The following NDUFV1 variants were observed in gnomAD, a reference collection of about 807,000 sequenced individuals.
NDUFV1 encodes the protein NADH:ubiquinone oxidoreductase core subunit V1, also known as NADH dehydrogenase [ubiquinone] flavoprotein 1, mitochondrial.
Under a neutral mutation model 48.7 loss-of-function variants are expected in NDUFV1, and 41 were observed. The ratio of observed to expected loss-of-function variants is 0.84; its 90% confidence interval spans 0.66 to 1.09. The LOEUF (loss-of-function observed/expected upper bound fraction) is 1.09, where lower values mean the gene tolerates loss of function less well. Among genes scored for constraint, NDUFV1 ranks in the 50% least tolerant of loss-of-function variants. The pLI, the probability that NDUFV1 is intolerant of heterozygous loss-of-function variation, is 0.00. For missense variants in NDUFV1, 580 were observed against 645.4 expected, an observed-to-expected ratio of 0.90 and a Z score of 1.10; for synonymous variants, 231 against 259.1, an observed-to-expected ratio of 0.89 and a Z score of 1.04.
chr11:67,609,649 G>C lies in NDUFV1; in HGVS notation c.510+14G>C. On this transcript the variant is annotated intron_variant, in intron 4 of 9. Transcript: ENST00000322776. ...TCCAATCTGCAGGTGGGTAGGGAGA[G>C]ATGTAGACAGATGAGAAGGTGTTCA... 2 of 1,600,542 alleles carry C rather than the reference G, an allele frequency of 1.2e-6. No individual in the cohort carries two copies. The highest frequency in any genetic ancestry group is 1.7e-6 in the Non-Finnish European group (2 of 1,179,750).
intron 4 of NDUFV1, 169 bp from the exon 5 acceptor site, chr11:67,610,212 G>A (rs962235385): frequency 2.9e-6 from 2 of 684,904 alleles, no homozygotes; most frequent in Non-Finnish European, 5.1e-6. Context: ...ATCTGTTCCA[G>A]ATCATAGTCA....
chr11:67,612,343 G>A lies in NDUFV1; in HGVS notation c.1309-29G>A, dbSNP rs1854937071. 1 of 1,613,826 alleles carries A rather than the reference G, an allele frequency of 6.2e-7. No homozygotes were observed. Among genetic ancestry groups the A allele is most frequent in the East Asian group, 2.2e-5 (1 of 44,838 alleles). ...GGGTGTTGGGGGATTTTTGGACTCT[G>A]TTTCACATGGTCCCCCCACCGACCC... On this transcript the variant is annotated intron_variant, in intron 9 of 9. Transcript: ENST00000322776. The surrounding 1 kb of genome is among the most constrained non-coding windows in gnomAD (Gnocchi z 4.4).
At chr11:67,610,644 G>A in intron 5 of NDUFV1, 74 bp downstream of exon 5, 1 of 1,565,518 alleles carries the variant, frequency 6.4e-7, no homozygotes, top group Non-Finnish European at 8.7e-7. Flanking sequence ...CCTTTGGATT[G>A]TTCTTAGGGA....
At position 67,612,251 on chromosome 11, in the gene NDUFV1, G is replaced by T. The variant is rs1012707296; in HGVS notation, c.1294G>T (p.Ala432Ser). The change falls in exon 9 of 10, where the codon GCC becomes TCC. Residue 432 changes from alanine (A) to serine (S), a missense_variant. By Grantham distance (99) the Ala-to-Ser change is moderately conservative (BLOSUM62 1). Transcript: ENST00000322776. This position sits in a 1 kb window ranked among gnomAD's most constrained non-coding sequence, Gnocchi z 4.4. ...GATTTGTGCTCTGGGTGACGGGGCC[G>T]CCTGGCCTGTGCAGGTATTCACCAC... The part of the protein sequence containing the change: ...HTICALGDGA[A>S]WPVQGLIRHF... 3 of 1,613,892 alleles carry T rather than the reference G, an allele frequency of 1.9e-6. No homozygotes were observed. The highest frequency in any genetic ancestry group is 1.3e-5 in the African/African-American group (1 of 75,002).
Position 67,611,789 on chromosome 11 carries a change from G to A in NDUFV1, c.1081-108G>A. On this transcript the variant is annotated intron_variant, in intron 7 of 9. Coordinates refer to ENST00000322776, the MANE Select transcript of NDUFV1 (RefSeq NM_007103.4). This position sits in a 1 kb window ranked among gnomAD's most constrained non-coding sequence, Gnocchi z 4.2. ...AGGCTGGAGGAGGCCAGAACGCTGG[G>A]TGGGCTGGGAAGAGCTTCTGGAACT... 6.7e-7 allele frequency: 1 copy of A among 1,489,282 alleles called. No homozygotes were observed. Among genetic ancestry groups the A allele is most frequent in the Non-Finnish European group, 9.3e-7 (1 of 1,078,288 alleles). The allele number at this position is 1,489,282 out of a possible 1,614,324, so 92.3% of individuals were successfully genotyped here. A position where few individuals can be genotyped will look rare whatever the true frequency, so the allele number is the denominator to read the frequency against.
Position 67,610,983 on chromosome 11 carries a change from A to G in NDUFV1, c.701-12A>G. On this transcript the variant is annotated splice_polypyrimidine_tract_variant and intron_variant, in intron 5 of 9. Coordinates refer to ENST00000322776, the MANE Select transcript of NDUFV1 (RefSeq NM_007103.4). ...CCTAGCAGCCACCAGTTCTCTTCCC[A>G]TTTCCCTGAAGGAGTGTTTGGCTGC... The G allele has an allele frequency of 6.2e-7, 1 of 1,613,940 alleles. No homozygotes were observed. Among genetic ancestry groups the G allele is most frequent in the Middle Eastern group, 1.7e-4 (1 of 6,042 alleles).
Position 67,607,048 on chromosome 11 carries a change from G to C in NDUFV1, c.44G>C (p.Arg15Pro). 6.2e-7 allele frequency: 1 copy of C among 1,609,028 alleles called. No homozygotes were observed. Among genetic ancestry groups the C allele is most frequent in the South Asian group, 1.1e-5 (1 of 90,676 alleles). ...RRLLGWSLPA[R>P]VSVRFSGDTT... ...CTGCTCGGCTGGTCGCTTCCCGCGC[G>C]GGTATCTGTGCGTTTCAGCGGCGAC... Residue 15 changes from arginine to proline, a missense_variant, in exon 1 of 10, where the codon CGG (arginine) becomes CCG (proline). Transcript: ENST00000322776.
chr11:67,607,395 C>T lies in NDUFV1; in HGVS notation c.72+319C>T, dbSNP rs1249508854. 3 of 559,640 alleles carry T rather than the reference C, an allele frequency of 5.4e-6. No homozygotes were observed. In the East Asian group the frequency reaches 1.2e-4, roughly 23 times the overall value. The allele number at this position is 559,640 out of a possible 1,614,324, so 34.7% of individuals were successfully genotyped here. Reference sequence around the variant, plus strand: ...GTAGGGCGTGAAGGGGTCATTGCCCCATTTAGGGATGCGCACCTCCTGATT... The same window carrying T: ...GTAGGGCGTGAAGGGGTCATTGCCCTATTTAGGGATGCGCACCTCCTGATT... On this transcript the variant is annotated intron_variant, in intron 1 of 9. Coordinates refer to ENST00000322776, the MANE Select transcript of NDUFV1 (RefSeq NM_007103.4).
At chr11:67,610,910 G>A (rs1342807083) in intron 5 of NDUFV1, 85 bp from the exon 6 acceptor site, 2 of 1,325,360 alleles carry the variant, frequency 1.5e-6, no homozygotes, top group Non-Finnish European at 2.2e-6. Context: ...TCTGCCATGG[G>A]TGCAGGACCC....
rs749784743 is a variant in NDUFV1 at position 67,609,500 on chromosome 11, C to T, written c.375C>T (p.Cys125=). Reference sequence around the variant, plus strand: ...CAGACGAGGGGGAGCCGGGCACCTGCAAGGACCGGGAGATCTTACGCCATG... The same window carrying T: ...CAGACGAGGGGGAGCCGGGCACCTGTAAGGACCGGGAGATCTTACGCCATG... ...VNADEGEPGT[C]KDREILRHDP... Residue 125 remains cysteine, a synonymous_variant, in exon 4 of 10, where the codon TGC becomes TGT. Coordinates refer to ENST00000322776, the MANE Select transcript of NDUFV1 (RefSeq NM_007103.4). 1.6e-5 allele frequency: 26 copies of T among 1,613,778 alleles called. 1 individual carries two copies. In the Middle Eastern group the frequency reaches 8.2e-4, roughly 51 times the overall value.
At position 67,612,077 on chromosome 11, in the gene NDUFV1, G is replaced by A. The variant is rs1349297928; in HGVS notation, c.1163-43G>A. The A allele has an allele frequency of 1.9e-6, 3 of 1,613,568 alleles. No homozygotes were observed. The African/African-American group carries it at 4.0e-5, about 22-fold the overall frequency. ...CCCTCAAGCGCCGCCCCACATCCTG[G>A]CTGGGGAGATCATCAGGCCCTCTCT... On this transcript the variant is annotated intron_variant, in intron 8 of 9. Transcript: ENST00000322776. The surrounding 1 kb of genome is among the most constrained non-coding windows in gnomAD (Gnocchi z 4.4).
intron 3 of NDUFV1, 27 bp from the exon 4 acceptor site, chr11:67,609,425 G>T (rs1247160988): frequency 6.2e-7 from 1 of 1,612,272 alleles, no homozygotes; most frequent in Non-Finnish European, 8.5e-7. Flanking sequence ...TGGCCCTGTA[G>T]CCTGTCTGAC....
At position 67,611,977 on chromosome 11, in the gene NDUFV1, G is replaced by A. The variant is rs1297624206; in HGVS notation, c.1161G>A (p.Glu387=). The part of the protein sequence containing the change: ...ESCGQCTPCR[E]GVDWMNKVMA... ...GTGGCCAGTGTACCCCATGCCGTGA[G>A]GGTGAGCATCGGGCAGGTTGGGGGC... Residue 387 remains glutamate, a splice_region_variant and synonymous_variant, in exon 8 of 10, where the codon GAG becomes GAA. Coordinates refer to ENST00000322776, the MANE Select transcript of NDUFV1 (RefSeq NM_007103.4). The surrounding 1 kb of genome is among the most constrained non-coding windows in gnomAD (Gnocchi z 4.2). The A allele has an allele frequency of 6.2e-7, 1 of 1,613,984 alleles. No homozygotes were observed. Among genetic ancestry groups the A allele is most frequent in the Non-Finnish European group, 8.5e-7 (1 of 1,180,004 alleles).
At chr11:67,608,762 G>GA in intron 3 of NDUFV1, 40 bp downstream of exon 3, 1 of 1,610,194 alleles carries the variant, frequency 6.2e-7, no homozygotes, top group Non-Finnish European at 8.5e-7. Context: ...CTGTGGGAGA[G>GA]ACCTTGGGGG....
At position 67,610,536 on chromosome 11, in the gene NDUFV1, G is replaced by A; in HGVS notation, c.666G>A (p.Lys222=). 1.2e-6 allele frequency: 2 copies of A among 1,614,212 alleles called. No homozygotes were observed. The highest frequency in any genetic ancestry group is 1.7e-6 in the Non-Finnish European group (2 of 1,180,036). The change falls in exon 5 of 10, where the codon AAG becomes AAA. Residue 222 remains lysine, a synonymous_variant. Coordinates refer to ENST00000322776, the MANE Select transcript of NDUFV1 (RefSeq NM_007103.4). ...AGTCCATTGAGGGCAAGCAGGGCAA[G>A]CCCCGCCTGAAGCCCCCCTTCCCCG... The part of the protein sequence containing the change: ...LIESIEGKQG[K]PRLKPPFPAD...
Position 67,611,854 on chromosome 11 carries a change from C to T in NDUFV1, c.1081-43C>T, listed in dbSNP as rs1342111514. On this transcript the variant is annotated intron_variant, in intron 7 of 9. Coordinates refer to ENST00000322776, the MANE Select transcript of NDUFV1 (RefSeq NM_007103.4). This position sits in a 1 kb window ranked among gnomAD's most constrained non-coding sequence, Gnocchi z 4.2. ...TGCTAGGGGGCTGAGGCCCAGGCTT[C>T]TGTCTGGCCGTGGGTGCCTGCTAAT... 9 of 1,606,542 alleles carry T rather than the reference C, an allele frequency of 5.6e-6. No homozygotes were observed. The highest frequency in any genetic ancestry group is 1.3e-5 in the African/African-American group (1 of 74,886).
Position 67,612,181 on chromosome 11 carries a change from G to A in NDUFV1, c.1224G>A (p.Glu408=). 2 of 1,613,784 alleles carry A rather than the reference G, an allele frequency of 1.2e-6. No individual in the cohort carries two copies. Among genetic ancestry groups the A allele is most frequent in the Non-Finnish European group, 1.7e-6 (2 of 1,179,966 alleles). ...TGAGGGGGGATGCCCGGCCGGCCGA[G>A]ATCGACTCCCTGTGGGAGATCAGCA... ...RFVRGDARPA[E]IDSLWEISKQ... The change falls in exon 9 of 10, where the codon GAG becomes GAA. Residue 408 remains glutamate (E), a synonymous_variant. Transcript: ENST00000322776. The surrounding 1 kb of genome is among the most constrained non-coding windows in gnomAD (Gnocchi z 4.4).
Position 67,611,735 on chromosome 11 carries a change from G to C in NDUFV1, c.1081-162G>C. ...AAGGCTGCTCTGAGGAGAATACCCC[G>C]GAGTCTGGGCAGCACAGGGGGCCCA... is the stretch of plus-strand genomic sequence containing the variant. On this transcript the variant is annotated intron_variant, in intron 7 of 9. Transcript: ENST00000322776. This position sits in a 1 kb window ranked among gnomAD's most constrained non-coding sequence, Gnocchi z 4.2. 2 of 1,372,688 alleles carry C rather than the reference G, an allele frequency of 1.5e-6. No homozygotes were observed. Among genetic ancestry groups the C allele is most frequent in the East Asian group, 4.9e-5 (2 of 40,564 alleles). The allele number at this position is 1,372,688 out of a possible 1,614,324, so 85.0% of individuals were successfully genotyped here.
rs534460315 is a variant in NDUFV1, at chr11:67,606,954, C to G, written c.-51C>G. The G allele has an allele frequency of 3.0e-5, 47 of 1,579,916 alleles. No individual in the cohort carries two copies. The South Asian group carries it at 5.0e-4, about 17-fold the overall frequency. Reference sequence around the variant, plus strand: ...CGTCTCTATCGCGCCAGTTCCTCAGCCTCAGTGCTATGAAGGTGACAGCGT... The same window carrying G: ...CGTCTCTATCGCGCCAGTTCCTCAGGCTCAGTGCTATGAAGGTGACAGCGT... On this transcript the variant is annotated 5_prime_UTR_variant, in exon 1 of 10. Transcript: ENST00000322776.
Sources: allele counts gnomAD v4.1 joint callset, GRCh38; gene constraint gnomAD v4.1.1; non-coding constraint Gnocchi (gnomAD v3.1); transcripts MANE v1.5; gene names NCBI Gene and HGNC (gene_info 2026-07-23, HGNC 2026-07-21).